The following ABCA7 variants were observed in gnomAD, a reference collection of about 807,000 sequenced individuals.
ABCA7 encodes phospholipid-transporting ATPase ABCA7.
A neutral mutation model predicts 227.6 loss-of-function variants in ABCA7; 261 were observed. The ratio of observed to expected loss-of-function variants is 1.15; its 90% confidence interval spans 1.04 to 1.27. ABCA7 has a LOEUF of 1.27. ABCA7 is among the 50% of genes most tolerant of loss of function. The pLI is 0.00. For missense variants in ABCA7, 3,331 were observed against 2,924.5 expected, an observed-to-expected ratio of 1.14 and a Z score of -3.21; for synonymous variants, 1,488 against 1,279.7, an observed-to-expected ratio of 1.16 and a Z score of -3.47.
Position 1,062,157 on chromosome 19 carries a change from C to A in ABCA7, c.5571-15C>A, listed in dbSNP as rs566397080. On this transcript the variant is annotated splice_polypyrimidine_tract_variant and intron_variant, in intron 41 of 46. Transcript: ENST00000263094. ...ACTAGCCAGCTCTCTGAGCCCCCGG[C>A]GCCCCCATCCCCAGCGTGGCCCGGG... 6.2e-7 allele frequency: 1 copy of A among 1,610,060 alleles called. No homozygotes were observed.
intron 23 of ABCA7, 68 bp downstream of exon 23, chr19:1,052,354 A>C: frequency 2.8e-6 from 1 of 351,152 alleles, no homozygotes; most frequent in Non-Finnish European, 4.3e-6. Context: ...CTTGAGGAGG[A>C]GGAGGGGGAG....
chr19:1,062,091 G>A, intron 41 of ABCA7, 81 bp from the exon 42 acceptor site: 1 of 1,563,106 alleles, frequency 6.4e-7, no homozygotes, highest in Non-Finnish European at 8.7e-7. Context: ...CTGGATGGGT[G>A]GGCCCTGAGA....
intron 14 of ABCA7, 23 bp downstream of exon 14, chr19:1,047,047 G>C: frequency 6.4e-7 from 1 of 1,552,184 alleles, no homozygotes; most frequent in East Asian, 2.4e-5. Context: ...CGGCCTGCCC[G>C]GCTGCAGAAT....
Position 1,055,183 on chromosome 19 carries a change from A to G in ABCA7, c.4037A>G (p.Gln1346Arg), listed in dbSNP as rs1342895494. Residue 1346 changes from glutamine (Q) to arginine (R), a missense_variant, in exon 30 of 47, where the codon CAG becomes CGG. Physicochemically the swap from Gln to Arg is conservative, Grantham distance 43. Transcript: ENST00000263094. The part of the protein sequence containing the change: ...WTPESPSPAC[Q>R]CSRPGARRLL... ...CCAGAGTCTCCATCCCCAGCCTGCC[A>G]GTGTAGCCGGCCCGGTGCCCGGCGC... The G allele has an allele frequency of 6.2e-7, 1 of 1,612,400 alleles. No individual in the cohort carries two copies.
chr19:1,049,338 G>A lies in ABCA7; in HGVS notation c.2453G>A (p.Gly818Glu). ...CGCAGCCTGGAGAAGCGCTTTCCTG[G>A]AAGCCCGCAGCCAGCCCTGCGGGGG... is the stretch of plus-strand genomic sequence containing the variant. Reference protein sequence around the residue: ...SVRSLEKRFPGSPQPALRGLS... With the variant: ...SVRSLEKRFPESPQPALRGLS... Residue 818 changes from glycine to glutamate, a missense_variant, in exon 18 of 47, where the codon GGA becomes GAA. Gly to Glu is a moderately conservative substitution (Grantham distance 98, BLOSUM62 -2). Transcript: ENST00000263094. 6.2e-7 allele frequency: 1 copy of A among 1,611,590 alleles called. No individual in the cohort carries two copies. Among genetic ancestry groups the A allele is most frequent in the South Asian group, 1.1e-5 (1 of 91,060 alleles).
chr19:1,044,435 A>T (rs938128564), intron 10 of ABCA7, 142 bp from the exon 11 acceptor site: 4 of 925,416 alleles, frequency 4.3e-6, no homozygotes, highest in Non-Finnish European at 6.3e-6. Context: ...TTTAGTAGAG[A>T]TGGGCTTTCA....
At chr19:1,042,962 GC>G in intron 7 of ABCA7, 78 bp from the exon 8 acceptor site, 1 of 1,519,966 alleles carries the variant, frequency 6.6e-7, no homozygotes, top group Non-Finnish European at 8.9e-7. Flanking sequence ...GGGAGAGGCT[GC>G]CCCTGGCCCA....
At position 1,051,252 on chromosome 19, in the gene ABCA7, G is replaced by A. The variant is rs2041601935; in HGVS notation, c.2782G>A (p.Gly928Arg). The A allele has an allele frequency of 1.2e-6, 2 of 1,609,158 alleles. No homozygotes were observed. The highest frequency in any genetic ancestry group is 1.7e-6 in the Non-Finnish European group (2 of 1,178,836). ...PEQDRLLQDV[G>R]LVSKQSVQTR... is the part of the protein sequence containing the mutation. ...GCAGGACCGTCTGCTGCAGGATGTG[G>A]GGCTGGTCTCCAAGCAGAGTGTGCA... Residue 928 changes from glycine (G) to arginine (R), a missense_variant, in exon 20 of 47, where the codon GGG (glycine) becomes AGG (arginine). Transcript: ENST00000263094.
chr19:1,062,075 G>T, intron 41 of ABCA7, 97 bp from the exon 42 acceptor site: 2 of 1,539,156 alleles, frequency 1.3e-6, no homozygotes, highest in South Asian at 1.2e-5. Context: ...CCTTATCAGC[G>T]TGGCCCTGGA....
intron 12 of ABCA7, 147 bp downstream of exon 12, chr19:1,045,378 G>C (rs1205862429): frequency 8.1e-6 from 7 of 860,540 alleles, no homozygotes; most frequent in East Asian, 8.0e-5. Context: ...AGAGCCCGGG[G>C]CTCCTTAGAC....
In ABCA7 at chr19:1,061,849, C is replaced by G. The variant is rs779857459; in HGVS notation, c.5531C>G (p.Thr1844Arg). 16 of 1,604,356 alleles carry G rather than the reference C, an allele frequency of 1.0e-5. No homozygotes were observed. Among genetic ancestry groups the G allele is most frequent in the Non-Finnish European group, 1.4e-5 (16 of 1,176,714 alleles). Residue 1844 changes from threonine to arginine, a missense_variant, in exon 41 of 47, where the codon ACA becomes AGA. Thr to Arg is a moderately conservative substitution (Grantham distance 71). Transcript: ENST00000263094. ...ACGTTTCGCATGGTGACGGGGGACA[C>G]ATTGGCCAGCAGGGGCGAGGCTGTG... ...TSTFRMVTGD[T>R]LASRGEAVLA...
In ABCA7 at chr19:1,042,330, C is replaced by T; in HGVS notation, c.431C>T (p.Thr144Ile). The T allele has an allele frequency of 6.3e-7, 1 of 1,582,746 alleles. No homozygotes were observed. The highest frequency in any genetic ancestry group is 1.3e-5 in the African/African-American group (1 of 74,670). The change falls in exon 6 of 47, where the codon ACC becomes ATC. Residue 144 changes from threonine (T) to isoleucine (I), a missense_variant. Transcript: ENST00000263094. ...AARSTAQPQP[T>I]KQSPLEPPML... ...CCTCCCCCAGCCCAGCCTCAACCAA[C>T]CAAGCAGTCTCCACTGGAACCACCC...
chr19:1,052,132 G>A lies in ABCA7; in HGVS notation c.3147+6G>A. 1 of 1,611,874 alleles carries A rather than the reference G, an allele frequency of 6.2e-7. No homozygotes were observed. The highest frequency in any genetic ancestry group is 8.5e-7 in the Non-Finnish European group (1 of 1,179,636). Reference sequence around the variant, plus strand: ...CCCTGACCACCAATGAGAAGGTGGGGACCGGCCTTCTCCTGACCCCTGACC... The same window carrying A: ...CCCTGACCACCAATGAGAAGGTGGGAACCGGCCTTCTCCTGACCCCTGACC... On this transcript the variant is annotated splice_donor_region_variant and intron_variant, in intron 22 of 46. Coordinates refer to ENST00000263094, the MANE Select transcript of ABCA7 (RefSeq NM_019112.4).
rs771114322 is a variant in ABCA7 at position 1,055,289 on chromosome 19, C to G, written c.4143C>G (p.Asn1381Lys). The change falls in exon 30 of 47, where the codon AAC becomes AAG. Residue 1381 changes from asparagine to lysine, a missense_variant. Asn to Lys is a moderately conservative substitution (Grantham distance 94). Coordinates refer to ENST00000263094, the MANE Select transcript of ABCA7 (RefSeq NM_019112.4). The part of the protein sequence containing the change: ...AVTGSGEVVQ[N>K]LTGRNLSDFL... ...CCGGCTCTGGGGAAGTGGTTCAGAA[C>G]CTGACAGGCCGGAACCTGTCTGACT... The G allele has an allele frequency of 1.2e-6, 2 of 1,604,726 alleles. No individual in the cohort carries two copies. The highest frequency in any genetic ancestry group is 2.2e-5 in the South Asian group (2 of 90,196).
intron 40 of ABCA7, among the ~76,000 whole-genome samples, chr19:1,061,434 C>T (rs757141085): frequency 3.7e-4 from 54 of 147,342 alleles, no homozygotes; most frequent in African/African-American, 5.2e-4. Context: ...CCGTGGCTCA[C>T]GCCTGTAATC....
At chr19:1,045,392 T>G in intron 12 of ABCA7, 161 bp downstream of exon 12, 1 of 719,190 alleles carries the variant, frequency 1.4e-6, no homozygotes, top group Non-Finnish European at 2.2e-6. Flanking sequence ...CTTAGACCAA[T>G]AGGGGCCCGT....
chr19:1,057,749 GAA>G (rs2042378190), intron 35 of ABCA7, among the ~76,000 whole-genome samples, 164 bp from the exon 36 acceptor site: 1 of 142,232 alleles, frequency 7.0e-6, no homozygotes, highest in Admixed American at 7.1e-5. Flanking sequence ...AAAAAAGAAA[GAA>G]AGAGAGAGAA....
chr19:1,049,389 A>G lies in ABCA7; in HGVS notation c.2504A>G (p.His835Arg), dbSNP rs1377686292. 1 of 1,610,736 alleles carries G rather than the reference A, an allele frequency of 6.2e-7. No individual in the cohort carries two copies. The highest frequency in any genetic ancestry group is 1.1e-5 in the South Asian group (1 of 91,024). The change falls in exon 18 of 47, where the codon CAC (histidine) becomes CGC (arginine). Residue 835 changes from histidine to arginine, a missense_variant. By Grantham distance (29) the His-to-Arg change is conservative. Coordinates refer to ENST00000263094, the MANE Select transcript of ABCA7 (RefSeq NM_019112.4). ...CTCAGCCTGGACTTCTACCAGGGCC[A>G]CATCACCGCCTTCCTGGGCCACAAC... ...RGLSLDFYQG[H>R]ITAFLGHNGA... is the part of the protein sequence containing the mutation.
intron 23 of ABCA7, 103 bp downstream of exon 23, chr19:1,052,389 GAAGCGGC>G (rs2041739987): frequency 2.2e-6 from 1 of 445,200 alleles, no homozygotes; most frequent in Non-Finnish European, 3.6e-6. Flanking sequence ...GGAGGGGGAG[GAAGCGGC>G]AGAGGAGGTT....
Sources: allele counts gnomAD v4.1 joint callset (sites outside exome capture counted in the v4.1 genomes callset), GRCh38; gene constraint gnomAD v4.1.1; transcripts MANE v1.5; gene names NCBI Gene and HGNC (gene_info 2026-07-23, HGNC 2026-07-21).